Variants in CCDC92B observed in about 807,000 individuals in gnomAD.
CCDC92B encodes the protein coiled-coil domain containing 92B, also known as coiled-coil domain-containing 92B.
In CCDC92B, 2 loss-of-function variants were observed where a neutral mutation model predicts 5.6. The observed-to-expected ratio is 0.36, with a 90% CI of 0.15 to 1.12. CCDC92B has a LOEUF of 1.12. Ranked by LOEUF, CCDC92B falls within the 50% of genes most tolerant of loss-of-function variation. The pLI, the probability that CCDC92B is intolerant of heterozygous loss-of-function variation, is 0.40. For synonymous variants in CCDC92B, 115 were observed against 122.3 expected (o/e 0.94, Z 0.39); for missense variants, 271 against 262.2 (o/e 1.03, Z -0.23).
Position 2,723,735 on chromosome 17 carries a change from AAGT to A in CCDC92B, c.*673_*675del, listed in dbSNP as rs2070686147. The A allele has an allele frequency of 6.3e-6, 1 of 157,950 alleles. No individual in the cohort carries two copies. Among genetic ancestry groups the A allele is most frequent in the African/African-American group, 2.4e-5 (1 of 41,496 alleles). The allele number at this position is 157,950 out of a possible 1,614,324, so 9.8% of individuals were successfully genotyped here. A position where few individuals can be genotyped will look rare whatever the true frequency, so the allele number is the denominator to read the frequency against. On this transcript the variant is annotated 3_prime_UTR_variant, in exon 4 of 4. Coordinates refer to ENST00000614400, the MANE Select transcript of CCDC92B (RefSeq NM_001355573.2). ...GCTGAGCTGGAGACGGCTCTAGACC[AAGT>A]CCGGCCAACCAGGCGGTTCTGTAAT...
Position 2,735,056 on chromosome 17 carries a change from G to T in CCDC92B, c.90C>A (p.Asp30Glu). 5 of 985,554 alleles carry T rather than the reference G, an allele frequency of 5.1e-6. No homozygotes were observed. Among genetic ancestry groups the T allele is most frequent in the Non-Finnish European group, 6.0e-6 (5 of 830,026 alleles). 61.1% of individuals were successfully genotyped at this position (985,554 alleles called of 1,614,324 possible). A position where few individuals can be genotyped will look rare whatever the true frequency, so the allele number is the denominator to read the frequency against. The stretch of plus-strand genomic sequence containing the variant: ...GCAGCCTCAGGATCTCCAGGTGCAG[G>T]TCTCGCAGCAGGGCCATCTGCTCCT... ...LKKEQMALLRDLHLEILRLQK... is the reference protein window; with the variant it reads ...LKKEQMALLRELHLEILRLQK... The change falls in exon 2 of 4, where the codon GAC becomes GAA. Residue 30 changes from aspartate (D) to glutamate (E), a missense_variant. By Grantham distance (45) the Asp-to-Glu change is conservative. Transcript: ENST00000614400.
chr17:2,733,023 A>C (rs2070813367), intron 2 of CCDC92B, among the ~76,000 whole-genome samples: 2 of 122,638 alleles, frequency 1.6e-5, no homozygotes, highest in South Asian at 4.9e-4. Flanking sequence ...AAAATAAATA[A>C]ATAAATAAAA....
intron 1 of CCDC92B, among the ~76,000 whole-genome samples, chr17:2,743,526 CAA>C (rs1163629106): frequency 6.6e-6 from 1 of 152,232 alleles, no homozygotes; most frequent in African/African-American, 2.4e-5. Flanking sequence ...AAAACAAACC[CAA>C]AGTTCTTATG....
At chr17:2,741,683 C>G (rs1361712680) in intron 1 of CCDC92B, among the ~76,000 whole-genome samples, 2 of 146,570 alleles carry the variant, frequency 1.4e-5, no homozygotes, top group African/African-American at 5.1e-5. Context: ...AGCTCTGCCT[C>G]CCGGGTTCGC....
At chr17:2,736,438 AT>A (rs2070858528) in intron 1 of CCDC92B, among the ~76,000 whole-genome samples, 1 of 150,606 alleles carries the variant, frequency 6.6e-6, no homozygotes, top group South Asian at 2.2e-4. Flanking sequence ...AAATAAATAA[AT>A]TAAATTAAAT....
At chr17:2,727,639 C>T (rs887078940) in intron 3 of CCDC92B, among the ~76,000 whole-genome samples, 7 of 152,152 alleles carry the variant, frequency 4.6e-5, no homozygotes, top group East Asian at 3.9e-4. Context: ...GCCTGGCCAG[C>T]ATGGCGAAAC....
At chr17:2,729,461 T>C (rs981994700) in intron 3 of CCDC92B, among the ~76,000 whole-genome samples, 1 of 129,342 alleles carries the variant, frequency 7.7e-6, no homozygotes, top group African/African-American at 3.0e-5. Context: ...GCCACTGCAC[T>C]CCAGCCTGGG....
intron 3 of CCDC92B, among the ~76,000 whole-genome samples, chr17:2,725,631 G>A (rs1462022266): frequency 2.0e-5 from 3 of 151,748 alleles, no homozygotes; most frequent in South Asian, 2.1e-4. Flanking sequence ...ATTGTGTTAG[G>A]TATTGGAGAT....
chr17:2,748,536 G>A (rs2071015779), intron 1 of CCDC92B: 1 of 981,216 alleles, frequency 1.0e-6, no homozygotes, highest in Non-Finnish European at 1.2e-6. Flanking sequence ...GTGTGTGTGT[G>A]TGTGCATGTG....
Position 2,724,876 on chromosome 17 carries a change from C to A in CCDC92B, c.303G>T (p.Leu101=). 1.0e-6 allele frequency: 1 copy of A among 985,156 alleles called. No individual in the cohort carries two copies. The highest frequency in any genetic ancestry group is 1.2e-6 in the Non-Finnish European group (1 of 829,792). The allele number at this position is 985,156 out of a possible 1,614,324, so 61.0% of individuals were successfully genotyped here. ...VAQREALVSA[L]RCSLRTEERR... is the part of the protein sequence containing the mutation. ...GCTCCTCGGTGCGCAGGCTGCAGCG[C>A]AGCGCGGACACCAGCGCCTCGCGCT... Residue 101 remains leucine (L), a synonymous_variant, in exon 4 of 4, where the codon CTG becomes CTT. Transcript: ENST00000614400. This position sits in a 1 kb window ranked among gnomAD's most constrained non-coding sequence, Gnocchi z 5.0.
intron 1 of CCDC92B, among the ~76,000 whole-genome samples, chr17:2,740,213 G>A (rs967330712): frequency 1.1e-4 from 17 of 152,014 alleles, no homozygotes; most frequent in African/African-American, 3.9e-4. Context: ...TGCTCTGCTC[G>A]AGTGTGGGTG....
At chr17:2,738,709 G>C (rs1319216122) in intron 1 of CCDC92B, among the ~76,000 whole-genome samples, 3 of 150,358 alleles carry the variant, frequency 2.0e-5, no homozygotes, top group Non-Finnish European at 4.4e-5. Flanking sequence ...GCAGTGAGCT[G>C]AGATCGCGCC....
At chr17:2,729,386 T>C (rs2070769874) in intron 3 of CCDC92B, among the ~76,000 whole-genome samples, 1 of 148,798 alleles carries the variant, frequency 6.7e-6, no homozygotes, top group Admixed American at 6.9e-5. Flanking sequence ...CTCAGCTACT[T>C]GGGAGGCTGC....
In CCDC92B at chr17:2,724,227, T is replaced by G; in HGVS notation, c.*184A>C. The G allele has an allele frequency of 1.0e-6, 1 of 985,248 alleles. No individual in the cohort carries two copies. Among genetic ancestry groups the G allele is most frequent in the Non-Finnish European group, 1.2e-6 (1 of 829,870 alleles). 61.0% of individuals were successfully genotyped at this position (985,248 alleles called of 1,614,324 possible). A position where few individuals can be genotyped will look rare whatever the true frequency, so the allele number is the denominator to read the frequency against. On this transcript the variant is annotated 3_prime_UTR_variant, in exon 4 of 4. Coordinates refer to ENST00000614400, the MANE Select transcript of CCDC92B (RefSeq NM_001355573.2). This position sits in a 1 kb window ranked among gnomAD's most constrained non-coding sequence, Gnocchi z 5.0. ...TCGCGCGAGGAGAGGGCTCGAAGCT[T>G]TGGAAACGTCGGGAAGTACAAAAGG...
intron 3 of CCDC92B, 129 bp downstream of exon 3, chr17:2,730,317 C>T (rs1194801080): frequency 5.4e-6 from 2 of 369,678 alleles, no homozygotes; most frequent in African/African-American, 4.4e-5. Flanking sequence ...GCACTCTGCT[C>T]ACCAGCCAAG....
intron 1 of CCDC92B, among the ~76,000 whole-genome samples, chr17:2,743,042 T>A (rs2070940641): frequency 6.6e-6 from 1 of 152,176 alleles, no homozygotes; most frequent in Middle Eastern, 3.2e-3. Context: ...GCCAAAAACA[T>A]CCTTCTGGTG....
chr17:2,737,849 C>T (rs566270272), intron 1 of CCDC92B, among the ~76,000 whole-genome samples: 59 of 151,876 alleles, frequency 3.9e-4, no homozygotes, highest in Non-Finnish European at 6.9e-4. Context: ...ATGTGCTGAC[C>T]ATCTGCTATG....
chr17:2,725,232 G>A (rs1479839825), intron 3 of CCDC92B, among the ~76,000 whole-genome samples: 1 of 142,084 alleles, frequency 7.0e-6, no homozygotes, highest in Non-Finnish European at 1.6e-5. Flanking sequence ...AAATTAGCCG[G>A]GCGTGGTGGT....
At chr17:2,737,792 A>G (rs2070873854) in intron 1 of CCDC92B, among the ~76,000 whole-genome samples, 1 of 151,746 alleles carries the variant, frequency 6.6e-6, no homozygotes, top group East Asian at 1.9e-4. Flanking sequence ...ATAGGCCTTT[A>G]ATTTCAGCAA....
Sources: gnomAD v4.1 joint callset for allele counts (sites outside exome capture counted in the v4.1 genomes callset) on GRCh38, gnomAD v4.1.1 for gene constraint, Gnocchi (gnomAD v3.1) non-coding constraint, MANE v1.5 for transcripts, NCBI Gene and HGNC (gene_info 2026-07-23, HGNC 2026-07-21) for gene names.